Variants in DNAAF9 observed in about 807,000 individuals in gnomAD.
DNAAF9 encodes the protein shulin.
A neutral mutation model predicts 167.0 loss-of-function variants in DNAAF9; 90 were observed. The observed-to-expected ratio is 0.54, with a 90% confidence interval of 0.45 to 0.64. DNAAF9 has a LOEUF of 0.64. Among genes scored for constraint, DNAAF9 ranks in the 30% least tolerant of loss-of-function variants. DNAAF9 has a pLI of 0.00. For missense variants in DNAAF9, 1,315 were observed against 1,442.2 expected (o/e 0.91, Z 1.43); for synonymous variants, 491 against 508.8 (o/e 0.96, Z 0.47).
chr20:3,275,025 C>T (rs140639334), intron 29 of DNAAF9, among the ~76,000 whole-genome samples: 86 of 152,316 alleles, frequency 5.6e-4, no homozygotes, highest in African/African-American at 1.9e-3. Flanking sequence ...GATGAGGCAG[C>T]AAAGCCAGCC....
chr20:3,252,498 G>C lies in DNAAF9; in HGVS notation c.*74C>G. 2 of 839,494 alleles carry C rather than the reference G, an allele frequency of 2.4e-6. No homozygotes were observed. Among genetic ancestry groups the C allele is most frequent in the Non-Finnish European group, 4.2e-6 (2 of 481,190 alleles). The allele number at this position is 839,494 out of a possible 1,614,324, so 52.0% of individuals were successfully genotyped here. On this transcript the variant is annotated 3_prime_UTR_variant, in exon 37 of 37. Transcript: ENST00000252032. ...CCCCTTAAGGGAGAGGCCTCCAGCA[G>C]AGCTGAGGTTAAGACACCCGTTCGT...
At chr20:3,350,190 C>A (rs1325125696) in intron 7 of DNAAF9, among the ~76,000 whole-genome samples, 7 of 148,938 alleles carry the variant, frequency 4.7e-5, no homozygotes, top group Admixed American at 2.0e-4. Context: ...CACACACACA[C>A]AAATTCTGGC....
intron 27 of DNAAF9, 51 bp from the exon 28 acceptor site, chr20:3,281,817 T>C (rs2068769416): frequency 6.4e-7 from 1 of 1,571,188 alleles, no homozygotes; most frequent in South Asian, 1.2e-5. Context: ...CATTGCAAAG[T>C]GGAGGAAGAG....
rs529221687 is a variant in DNAAF9 at position 3,385,071 on chromosome 20, T to A, written c.84-2565A>T. 5.3e-5 allele frequency among the ~76,000 whole-genome samples: 8 copies of A among 152,128 alleles called. No individual in the cohort carries two copies. The East Asian group carries it at 1.5e-3, about 29-fold the overall frequency. Reference sequence around the variant, plus strand: ...ACTAGAAATAGTTTCCTCAACTTGATAAAGATCATTTAAAAAACCCACCAA... The same window carrying A: ...ACTAGAAATAGTTTCCTCAACTTGAAAAAGATCATTTAAAAAACCCACCAA... On this transcript the variant is annotated intron_variant, in intron 1 of 36. Transcript: ENST00000252032.
At chr20:3,259,697 G>A in intron 32 of DNAAF9, 143 bp from the exon 33 acceptor site, 1 of 722,042 alleles carries the variant, frequency 1.4e-6, no homozygotes, top group Non-Finnish European at 2.5e-6. Context: ...ACACCCTGTT[G>A]CTCCCCTGTG....
At chr20:3,404,374 C>A (rs181850000) in intron 1 of DNAAF9, among the ~76,000 whole-genome samples, 4 of 152,118 alleles carry the variant, frequency 2.6e-5, no homozygotes, top group Admixed American at 1.3e-4. Flanking sequence ...CAATCTCATT[C>A]GGCTTTCAAT....
chr20:3,288,206 T>C (rs1488146032), intron 26 of DNAAF9, among the ~76,000 whole-genome samples: 2 of 152,164 alleles, frequency 1.3e-5, no homozygotes, highest in Non-Finnish European at 2.9e-5. Context: ...TCCCAGCACT[T>C]TGGGAGGCCG....
chr20:3,253,578 G>C, intron 36 of DNAAF9, 148 bp downstream of exon 36: 1 of 625,316 alleles, frequency 1.6e-6, no homozygotes, highest in Non-Finnish European at 2.9e-6. Context: ...GTTTGCCCCT[G>C]TGCATTCCTG....
chr20:3,314,285 G>T (rs1297627624), intron 20 of DNAAF9, among the ~76,000 whole-genome samples: 2 of 152,012 alleles, frequency 1.3e-5, no homozygotes, highest in South Asian at 2.1e-4. Flanking sequence ...AGGTAACAAG[G>T]GACATGAATT....
chr20:3,290,207 C>A lies in DNAAF9; in HGVS notation c.2249G>T (p.Ser750Ile), dbSNP rs768796274. 4 of 1,605,184 alleles carry A rather than the reference C, an allele frequency of 2.5e-6. No homozygotes were observed. In the African/African-American group the frequency reaches 4.0e-5, roughly 16 times the overall value. Reference protein sequence around the residue: ...HRIESDKVIISIVTGLPGCHA... With the variant: ...HRIESDKVIIIIVTGLPGCHA... Reference sequence around the variant, plus strand: ...ACAGCCTGGGAGGCCGGTTACAATGCTGATAATTACCTACATGAAGAAAAA... The same window carrying A: ...ACAGCCTGGGAGGCCGGTTACAATGATGATAATTACCTACATGAAGAAAAA... Residue 750 changes from serine (S) to isoleucine (I), a missense_variant, in exon 26 of 37, where the codon AGC becomes ATC. Transcript: ENST00000252032.
chr20:3,317,618 ACAGAGTCTCACTCTGTCACC>A (rs889608892), intron 17 of DNAAF9, among the ~76,000 whole-genome samples: 3 of 151,896 alleles, frequency 2.0e-5, no homozygotes, highest in African/African-American at 7.3e-5. Context: ...TTTTTTTGAG[ACAGAGTCTCACTCTGTCACC>A]CAGGCTGGAG....
chr20:3,322,977 C>G (rs1050013890), intron 14 of DNAAF9, among the ~76,000 whole-genome samples: 2 of 152,104 alleles, frequency 1.3e-5, no homozygotes, highest in Admixed American at 6.6e-5. Flanking sequence ...GAGAGGACTG[C>G]TGCTCACTGC....
chr20:3,374,810 A>G (rs1600883095), intron 5 of DNAAF9, among the ~76,000 whole-genome samples: 1 of 152,300 alleles, frequency 6.6e-6, no homozygotes, highest in East Asian at 1.9e-4. Flanking sequence ...CAGTTCTTCT[A>G]CCTGATTTTG....
rs920673292 is a variant in DNAAF9, at chr20:3,299,121, C to A, written c.1783-946G>T. Among the ~76,000 whole-genome samples, 7 of 152,072 alleles carry A rather than the reference C, an allele frequency of 4.6e-5. No individual in the cohort carries two copies. In the Middle Eastern group the frequency reaches 0.017, roughly 369 times the overall value. On this transcript the variant is annotated intron_variant, in intron 21 of 36. Transcript: ENST00000252032. Reference sequence around the variant, plus strand: ...ACGGGGTTTCACTATGTTGGCCAGGCTGGTCTCGAACTCCCGACCTCATAA... The same window carrying A: ...ACGGGGTTTCACTATGTTGGCCAGGATGGTCTCGAACTCCCGACCTCATAA...
At chr20:3,343,796 C>T in intron 8 of DNAAF9, 65 bp from the exon 9 acceptor site, 1 of 1,229,086 alleles carries the variant, frequency 8.1e-7, no homozygotes, top group Non-Finnish European at 1.2e-6. Context: ...TAAAACCCCT[C>T]ACATATGTAT....
intron 17 of DNAAF9, among the ~76,000 whole-genome samples, chr20:3,317,921 T>C (rs1377025657): frequency 6.6e-6 from 1 of 152,134 alleles, no homozygotes; most frequent in Non-Finnish European, 1.5e-5. Flanking sequence ...TCTTGACTAC[T>C]AGTGAGATTA....
chr20:3,341,501 C>A (rs2070084908), intron 9 of DNAAF9, among the ~76,000 whole-genome samples: 1 of 152,202 alleles, frequency 6.6e-6, no homozygotes, highest in Non-Finnish European at 1.5e-5. Context: ...TATGTCTGCT[C>A]CCCTTCCAGT....
chr20:3,266,855 C>CAT (rs1555785029), intron 30 of DNAAF9, among the ~76,000 whole-genome samples: 4 of 136,192 alleles, frequency 2.9e-5, no homozygotes, highest in African/African-American at 1.1e-4. Flanking sequence ...CCCCTTCCAC[C>CAT]TTTTTTTTTT....
chr20:3,375,761 T>C (rs900391505), intron 4 of DNAAF9, among the ~76,000 whole-genome samples: 9 of 151,970 alleles, frequency 5.9e-5, no homozygotes, highest in Admixed American at 3.9e-4. Flanking sequence ...GACAGGAGAA[T>C]TGCTTGAACC....
Sources: allele counts gnomAD v4.1 joint callset (sites outside exome capture counted in the v4.1 genomes callset), GRCh38; gene constraint gnomAD v4.1.1; transcripts MANE v1.5; gene names NCBI Gene and HGNC (gene_info 2026-07-23, HGNC 2026-07-21).